Variants in DCAF8L2 observed in about 807,000 individuals in gnomAD.
The protein encoded by DCAF8L2 is DDB1- and CUL4-associated factor 8-like protein 2.
For missense variants in DCAF8L2, 430 were observed against 490.7 expected (o/e 0.88, Z 1.17); for synonymous variants, 200 against 190.9 (o/e 1.05, Z -0.39).
chrX:27,660,591 G>C (rs771173804), intron 2 of DCAF8L2, among the ~76,000 whole-genome samples: 240 of 111,994 alleles, frequency 2.1e-3, no homozygotes, highest in Non-Finnish European at 3.9e-3. Flanking sequence ...TGATTTTTCT[G>C]GGGATGGGCA....
chrX:27,632,769 C>A (rs1363199739), intron 2 of DCAF8L2: 4 of 111,557 alleles, frequency 3.6e-5, no homozygotes, highest in African/African-American at 9.8e-5. Context: ...CCTGATTTCC[C>A]TAACTCTGCT....
intron 4 of DCAF8L2, among the ~76,000 whole-genome samples, chrX:27,738,428 G>T (rs1049686234): frequency 1.8e-5 from 2 of 110,945 alleles, no homozygotes; most frequent in African/African-American, 3.3e-5. Flanking sequence ...TATTATATTT[G>T]CCATTTCCAT....
the DCAF8L2 span, among the ~76,000 whole-genome samples, chrX:27,557,194 A>G: frequency 9.8e-5 from 11 of 112,282 alleles, no homozygotes; most frequent in East Asian, 2.2e-3. Context: ...TTGTGCCAAA[A>G]TTATTTCTAT....
At chrX:27,520,534 C>T in the DCAF8L2 span, among the ~76,000 whole-genome samples, 518 of 111,689 alleles carry the variant, frequency 4.6e-3, 2 homozygotes, top group Non-Finnish European at 7.9e-3. Flanking sequence ...CATCAAATAT[C>T]TTCTATTTTC....
chrX:27,502,253 A>G, the DCAF8L2 span, among the ~76,000 whole-genome samples: 2 of 94,750 alleles, frequency 2.1e-5, no homozygotes, highest in East Asian at 7.1e-4. Flanking sequence ...CTTGGGAGGC[A>G]GAGGTTGCAG....
At position 27,747,356 on chromosome X, in the gene DCAF8L2, A is replaced by G. The variant is rs748152249; in HGVS notation, c.461A>G (p.Gln154Arg). The G allele has an allele frequency of 2.6e-6, 3 of 1,163,985 alleles. No homozygotes were observed. The highest frequency in any genetic ancestry group is 3.8e-5 in the South Asian group (2 of 52,376). Residue 154 changes from glutamine (Q) to arginine (R), a missense_variant, in exon 5 of 5, where the codon CAA becomes CGA. Gln to Arg is a conservative substitution (Grantham distance 43). Coordinates refer to ENST00000451261, the MANE Select transcript of DCAF8L2 (RefSeq NM_001353450.2). ...GAAGAACAGCCTCGGGCGGGTCCAC[A>G]AGGCAGTGGCGGCAACCATGAGCAG... Reference protein sequence around the residue: ...EEEEQPRAGPQGSGGNHEQYS... With the variant: ...EEEEQPRAGPRGSGGNHEQYS...
At chrX:27,513,812 G>T in the DCAF8L2 span, among the ~76,000 whole-genome samples, 1 of 110,986 alleles carries the variant, frequency 9.0e-6, no homozygotes, top group Non-Finnish European at 1.9e-5. Context: ...TAAACATAAG[G>T]AAAATTCAAA....
intron 4 of DCAF8L2, among the ~76,000 whole-genome samples, chrX:27,739,102 AT>A (rs770197055): frequency 9.0e-6 from 1 of 110,730 alleles, no homozygotes; most frequent in Non-Finnish European, 1.9e-5. Flanking sequence ...GATAAATCTG[AT>A]TTAAAAAAAA....
At chrX:27,496,021 T>C in the DCAF8L2 span, among the ~76,000 whole-genome samples, 2 of 111,620 alleles carry the variant, frequency 1.8e-5, no homozygotes, top group Admixed American at 1.9e-4. Flanking sequence ...TTGATATGTA[T>C]GCCATGTCAT....
intron 2 of DCAF8L2, among the ~76,000 whole-genome samples, chrX:27,647,284 T>C (rs775932732): frequency 9.8e-5 from 11 of 111,930 alleles, no homozygotes; most frequent in Non-Finnish European, 1.7e-4. Context: ...TGGAAGCCAT[T>C]ATCTTCAGCA....
chrX:27,596,684 A>G (rs764294961), intron 1 of DCAF8L2, among the ~76,000 whole-genome samples: 1 of 111,523 alleles, frequency 9.0e-6, no homozygotes, highest in Non-Finnish European at 1.9e-5. Flanking sequence ...ACATGAGAAG[A>G]ATCCCATAAA....
intron 3 of DCAF8L2, among the ~76,000 whole-genome samples, chrX:27,681,987 A>G (rs1184782831): frequency 9.0e-6 from 1 of 111,608 alleles, no homozygotes; most frequent in Non-Finnish European, 1.9e-5. Context: ...TTTTTGAGAC[A>G]AGGTCTCGCT....
At chrX:27,729,324 C>G (rs1301446181) in intron 4 of DCAF8L2, among the ~76,000 whole-genome samples, 8 of 112,028 alleles carry the variant, frequency 7.1e-5, no homozygotes, top group African/African-American at 9.7e-5. Flanking sequence ...TGTATTCAGT[C>G]ATATACCTAT....
chrX:27,744,250 A>G lies in DCAF8L2; in HGVS notation c.-58-2588A>G, dbSNP rs186229339. Among the ~76,000 whole-genome samples, 45 of 111,537 alleles carry G rather than the reference A, an allele frequency of 4.0e-4. 1 individual carries two copies. In the East Asian group the frequency reaches 0.012, roughly 31 times the overall value. ...CTGGAAGACCTGTATCTGTTAATGA[A>G]CATTGTTTACTGTCATAGAGGGGAA... On this transcript the variant is annotated intron_variant, in intron 4 of 4. Transcript: ENST00000451261.
intron 1 of DCAF8L2, chrX:27,627,437 T>C (rs1044968481): frequency 5.4e-5 from 6 of 110,331 alleles, no homozygotes; most frequent in African/African-American, 1.6e-4. Flanking sequence ...CAAACACCCA[T>C]GATCCCATCA....
intron 1 of DCAF8L2, among the ~76,000 whole-genome samples, chrX:27,598,841 G>A: frequency 9.1e-6 from 1 of 109,563 alleles, no homozygotes; most frequent in Non-Finnish European, 1.9e-5. Flanking sequence ...ATTTGCTGAT[G>A]ATTATCAGAA....
Position 27,693,312 on chromosome X carries a change from A to G in DCAF8L2, c.-143+15400A>G, listed in dbSNP as rs189571959. 4.4e-3 allele frequency among the ~76,000 whole-genome samples: 491 copies of G among 111,495 alleles called. 3 individuals carry two copies. The highest frequency in any genetic ancestry group is 0.013 in the African/African-American group (403 of 30,788). On this transcript the variant is annotated intron_variant, in intron 3 of 4. Coordinates refer to ENST00000451261, the MANE Select transcript of DCAF8L2 (RefSeq NM_001353450.2). ...ATTTATAAAGTGTAGCCACTAGTGC[A>G]TATCTATGAGTTTCTGAGTTAACTA...
chrX:27,497,622 G>A, the DCAF8L2 span, among the ~76,000 whole-genome samples: 1 of 106,212 alleles, frequency 9.4e-6, no homozygotes, highest in Non-Finnish European at 1.9e-5. Context: ...AGGCTGGAGT[G>A]CAGTGGGGCG....
intron 2 of DCAF8L2, among the ~76,000 whole-genome samples, chrX:27,659,679 T>G (rs895639086): frequency 4.5e-5 from 5 of 111,445 alleles, no homozygotes; most frequent in African/African-American, 1.6e-4. Context: ...TTCTTCAAGG[T>G]CAGAACATTT....
Sources: allele counts gnomAD v4.1 joint callset (sites outside exome capture counted in the v4.1 genomes callset), GRCh38; gene constraint gnomAD v4.1.1; transcripts MANE v1.5; gene names NCBI Gene and HGNC (gene_info 2026-07-23, HGNC 2026-07-21).